The following CHST9 variants were observed in gnomAD, a reference collection of about 807,000 sequenced individuals.
The protein encoded by CHST9 is GalNAc-4-sulfotransferase 2.
A neutral mutation model predicts 44.4 loss-of-function variants in CHST9; 41 were observed. The ratio of observed to expected loss-of-function variants is 0.92; its 90% CI spans 0.72 to 1.20. CHST9 has a LOEUF of 1.20. Ranked by LOEUF, CHST9 falls within the 50% of genes most tolerant of loss-of-function variation. The probability of loss-of-function intolerance (pLI) is 0.00; values close to 1 mark genes in which losing one functional copy is unlikely to be tolerated. For missense variants in CHST9, 504 were observed against 516.5 expected, an observed-to-expected ratio of 0.98 and a Z score of 0.23; for synonymous variants, 171 against 178.4, an observed-to-expected ratio of 0.96 and a Z score of 0.33.
intron 1 of CHST9, among the ~76,000 whole-genome samples, chr18:27,164,196 C>T (rs2058771674): frequency 6.6e-6 from 1 of 150,710 alleles, no homozygotes; most frequent in Non-Finnish European, 1.5e-5. Flanking sequence ...CAAAACAAAA[C>T]AAAACAAAGT....
intron 2 of CHST9, among the ~76,000 whole-genome samples, chr18:27,081,456 C>T (rs1017940180): frequency 2.8e-4 from 42 of 152,140 alleles, no homozygotes; most frequent in Non-Finnish European, 4.7e-4. Flanking sequence ...GAAAAGTGCT[C>T]CCCTCTCTGA....
intron 5 of CHST9, chr18:26,935,327 T>A (rs1311521241): frequency 3.3e-5 from 5 of 152,228 alleles, no homozygotes; most frequent in African/African-American, 1.2e-4. Context: ...TAGTCTCAAG[T>A]ATGGAATACT....
At chr18:27,017,871 T>C (rs1283287330) in intron 4 of CHST9, among the ~76,000 whole-genome samples, 1 of 152,214 alleles carries the variant, frequency 6.6e-6, no homozygotes, top group East Asian at 1.9e-4. Flanking sequence ...TTTCCCTACT[T>C]TCTAGGCATG....
chr18:27,043,548 G>C (rs1249367672), intron 3 of CHST9, among the ~76,000 whole-genome samples: 1 of 151,968 alleles, frequency 6.6e-6, no homozygotes, highest in African/African-American at 2.4e-5. Flanking sequence ...AGGTCAGTTT[G>C]ATCTTGTAAA....
chr18:27,144,599 G>A (rs1004685149), intron 1 of CHST9, among the ~76,000 whole-genome samples: 4 of 152,124 alleles, frequency 2.6e-5, no homozygotes, highest in Non-Finnish European at 5.9e-5. Context: ...GAGGTAGGAG[G>A]ATCACTTGAG....
chr18:27,069,595 G>A (rs1012274678), intron 2 of CHST9, among the ~76,000 whole-genome samples: 7 of 152,142 alleles, frequency 4.6e-5, no homozygotes, highest in Admixed American at 3.9e-4. Context: ...CCATTACACA[G>A]ATAGCACAAT....
At chr18:27,053,218 G>A (rs28664919) in intron 2 of CHST9, among the ~76,000 whole-genome samples, 57 of 32,324 alleles carry the variant, frequency 1.8e-3, no homozygotes, top group Admixed American at 3.2e-3. Context: ...AGGAGGAAGA[G>A]GAAGAAGAAG....
At chr18:27,054,747 T>C (rs575676657) in intron 2 of CHST9, among the ~76,000 whole-genome samples, 38 of 152,256 alleles carry the variant, frequency 2.5e-4, no homozygotes, top group Middle Eastern at 3.4e-3. Context: ...ATAATGAGTA[T>C]GGGCATCTGT....
chr18:27,114,786 T>C (rs1230864373), intron 2 of CHST9, among the ~76,000 whole-genome samples: 1 of 152,208 alleles, frequency 6.6e-6, no homozygotes, highest in African/African-American at 2.4e-5. Context: ...AGTACTTTTT[T>C]ATGGCTGAAT....
At chr18:26,957,589 G>C (rs2056342674) in intron 4 of CHST9, among the ~76,000 whole-genome samples, 2 of 147,442 alleles carry the variant, frequency 1.4e-5, no homozygotes, top group African/African-American at 2.5e-5. Flanking sequence ...AAATAGCCAA[G>C]CATCAGATCT....
intron 2 of CHST9, among the ~76,000 whole-genome samples, chr18:27,069,724 T>C (rs2057819119): frequency 6.6e-6 from 1 of 152,196 alleles, no homozygotes; most frequent in South Asian, 2.1e-4. Context: ...CTTTTTTGAA[T>C]AGACCTGTCT....
intron 2 of CHST9, among the ~76,000 whole-genome samples, chr18:27,080,662 C>T (rs769641348): frequency 1.3e-5 from 2 of 152,098 alleles, no homozygotes; most frequent in Non-Finnish European, 2.9e-5. Flanking sequence ...TGAGGATGTC[C>T]TGCAGAGTGG....
chr18:27,005,495 C>T (rs968002045), intron 4 of CHST9, among the ~76,000 whole-genome samples: 1 of 152,072 alleles, frequency 6.6e-6, no homozygotes, highest in African/African-American at 2.4e-5. Flanking sequence ...CTCTTTAGAT[C>T]CTGAGTACTC....
rs1342097034 is a variant in CHST9, at chr18:26,912,316, T to C, written c.*3943A>G. ...TCCAAAGTCTTTGAACCTGTCAGTTTAACTCAGCAGGAATAAAGAAATAAG... is the reference window on the plus strand; with the variant it reads ...TCCAAAGTCTTTGAACCTGTCAGTTCAACTCAGCAGGAATAAAGAAATAAG... On this transcript the variant is annotated 3_prime_UTR_variant, in exon 6 of 6. Coordinates refer to ENST00000618847, the MANE Select transcript of CHST9 (RefSeq NM_031422.6). 6.6e-6 allele frequency: 1 copy of C among 151,866 alleles called. No homozygotes were observed. Among genetic ancestry groups the C allele is most frequent in the Non-Finnish European group, 1.5e-5 (1 of 68,022 alleles). The allele number at this position is 151,866 out of a possible 1,614,324, so 9.4% of individuals were successfully genotyped here.
intron 4 of CHST9, among the ~76,000 whole-genome samples, chr18:26,962,083 T>G (rs1245852413): frequency 6.6e-6 from 1 of 152,162 alleles, no homozygotes; most frequent in South Asian, 2.1e-4. Flanking sequence ...AAAGTTGGCC[T>G]GGGGGTGTCA....
At chr18:27,021,722 G>C (rs919365231) in intron 4 of CHST9, among the ~76,000 whole-genome samples, 7 of 152,112 alleles carry the variant, frequency 4.6e-5, no homozygotes, top group African/African-American at 1.7e-4. Context: ...GTAACCCAGT[G>C]GTTCCTATCT....
intron 4 of CHST9, among the ~76,000 whole-genome samples, chr18:26,949,182 G>A (rs1173564790): frequency 1.3e-5 from 2 of 152,126 alleles, no homozygotes; most frequent in Admixed American, 6.6e-5. Context: ...GAAGGGGTGC[G>A]GGCTTGAGCC....
At chr18:27,029,348 T>A (rs2057316589) in intron 3 of CHST9, among the ~76,000 whole-genome samples, 1 of 152,188 alleles carries the variant, frequency 6.6e-6, no homozygotes, top group Admixed American at 6.5e-5. Context: ...CTGGTTTTTC[T>A]AACTCTAAAA....
intron 4 of CHST9, among the ~76,000 whole-genome samples, chr18:27,000,255 T>C (rs1369999191): frequency 6.6e-6 from 1 of 152,246 alleles, no homozygotes; most frequent in East Asian, 1.9e-4. Context: ...ACATCTGCTT[T>C]GCTCTTAGTT....
Sources: allele counts gnomAD v4.1 joint callset (sites outside exome capture counted in the v4.1 genomes callset), GRCh38; gene constraint gnomAD v4.1.1; transcripts MANE v1.5; gene names NCBI Gene and HGNC (gene_info 2026-07-23, HGNC 2026-07-21).